The following PIK3C2B variants were observed in gnomAD, a reference collection of about 807,000 sequenced individuals.
PIK3C2B encodes phosphatidylinositol 4-phosphate 3-kinase C2 domain-containing subunit beta.
In PIK3C2B, 83 loss-of-function variants were observed where a neutral mutation model predicts 184.3. The ratio of observed to expected loss-of-function variants is 0.45; its 90% CI spans 0.38 to 0.54. The LOEUF (loss-of-function observed/expected upper bound fraction) is 0.54. Among genes scored for constraint, PIK3C2B ranks in the 20% least tolerant of loss-of-function variants. The probability of loss-of-function intolerance (pLI) is 0.00; values close to 1 mark genes in which losing one functional copy is unlikely to be tolerated. For synonymous variants in PIK3C2B, 779 were observed against 837.6 expected (o/e 0.93, Z 1.21); for missense variants, 1,736 against 2,113.5 (o/e 0.82, Z 3.50).
rs1371159714 is a variant in PIK3C2B at position 204,461,973 on chromosome 1, C to T, written c.1311-1312G>A. ...GGAACCCCCGGAGCGTCCTTTCCAC[C>T]CCCATCCCAGGCAGTTGTCATGTGT... On this transcript the variant is annotated intron_variant, in intron 5 of 32. Transcript: ENST00000684373. Among the ~76,000 whole-genome samples the T allele has an allele frequency of 1.3e-5, 2 of 151,992 alleles. 1 individual carries two copies. Among genetic ancestry groups the T allele is most frequent in the African/African-American group, 4.8e-5 (2 of 41,426 alleles).
chr1:204,457,481 C>A (rs895657137), intron 9 of PIK3C2B, among the ~76,000 whole-genome samples: 1 of 152,238 alleles, frequency 6.6e-6, no homozygotes, highest in Non-Finnish European at 1.5e-5. Context: ...GTGAATAAAG[C>A]CTTTACTGGC....
At chr1:204,456,924 A>ACACACCCCCC (rs377111253) in intron 10 of PIK3C2B, 113 bp downstream of exon 10, 2 of 521,546 alleles carry the variant, frequency 3.8e-6, no homozygotes, top group African/African-American at 4.0e-5. Context: ...ACACACACAC[A>ACACACCCCCC]CCAGCCGAAC....
At chr1:204,461,016 C>A (rs1452215129) in intron 5 of PIK3C2B, among the ~76,000 whole-genome samples, 3 of 152,142 alleles carry the variant, frequency 2.0e-5, no homozygotes, top group African/African-American at 4.8e-5. Flanking sequence ...GAAGCCCTAT[C>A]TTCTGGGCCT....
At chr1:204,427,888 G>T in intron 30 of PIK3C2B, 134 bp from the exon 31 acceptor site, 1 of 683,916 alleles carries the variant, frequency 1.5e-6, no homozygotes, top group Non-Finnish European at 2.6e-6. Flanking sequence ...AGTGTAGTCT[G>T]AATGTGATTA....
rs548079445 is a variant in PIK3C2B at position 204,447,669 on chromosome 1, G to T, written c.2347-91C>A. ...TCTCTCACCCCAGCATTCCGGCCTT[G>T]TCCCTCCCTCACTTTCCCTCAGGTT... On this transcript the variant is annotated intron_variant, in intron 14 of 32. Transcript: ENST00000684373. This position sits in a 1 kb window ranked among gnomAD's most constrained non-coding sequence, Gnocchi z 4.1. 7.0e-5 allele frequency: 62 copies of T among 881,628 alleles called. No individual in the cohort carries two copies. The Admixed American group carries it at 9.1e-4, about 13-fold the overall frequency. 54.6% of individuals were successfully genotyped at this position (881,628 alleles called of 1,614,324 possible). A position where few individuals can be genotyped will look rare whatever the true frequency, so the allele number is the denominator to read the frequency against.
chr1:204,490,518 G>T (rs540233737), intron 1 of PIK3C2B: 1 of 152,290 alleles, frequency 6.6e-6, no homozygotes, highest in East Asian at 1.9e-4. Flanking sequence ...TGCGGGGTAG[G>T]CGTTCAGTTC....
At chr1:204,482,896 C>G (rs1358672428) in intron 1 of PIK3C2B, among the ~76,000 whole-genome samples, 1 of 152,180 alleles carries the variant, frequency 6.6e-6, no homozygotes, top group East Asian at 1.9e-4. Context: ...TGCCAGACCA[C>G]AGGGGATCCC....
chr1:204,459,949 T>C lies in PIK3C2B; in HGVS notation c.1503-8A>G. 1 of 1,613,308 alleles carries C rather than the reference T, an allele frequency of 6.2e-7. No homozygotes were observed. The highest frequency in any genetic ancestry group is 1.3e-5 in the African/African-American group (1 of 74,930). ...AGAAGACTCAGGGCCTGCCTGGGAG[T>C]TGGGGGCAGGGAAAAACCACAGGAG... On this transcript the variant is annotated splice_polypyrimidine_tract_variant and splice_region_variant and intron_variant, in intron 7 of 32. Transcript: ENST00000684373.
chr1:204,432,519 C>T, intron 26 of PIK3C2B, 118 bp from the exon 27 acceptor site: 1 of 757,658 alleles, frequency 1.3e-6, no homozygotes, highest in South Asian at 1.6e-5. Flanking sequence ...CAGATCAAAC[C>T]ATTTTCCTGT....
chr1:204,449,990 C>A lies in PIK3C2B; in HGVS notation c.2094G>T (p.Arg698=). 1 of 1,585,924 alleles carries A rather than the reference C, an allele frequency of 6.3e-7. No homozygotes were observed. Among genetic ancestry groups the A allele is most frequent in the Non-Finnish European group, 8.6e-7 (1 of 1,165,462 alleles). The change falls in exon 13 of 33, where the codon CGG becomes CGT. Residue 698 remains arginine (R), a synonymous_variant. Coordinates refer to ENST00000684373, the MANE Select transcript of PIK3C2B (RefSeq NM_001377334.1). ...QQICFPVQVN[R]LPRETLLCAT... is the part of the protein sequence containing the mutation. ...CACACAGCAGTGTCTCCCGAGGCAG[C>A]CGGTTCACCTGCACTGGGAAGCAGA...
intron 28 of PIK3C2B, 199 bp downstream of exon 28, chr1:204,431,470 G>A (rs1255711187): frequency 9.6e-6 from 6 of 625,452 alleles, no homozygotes; most frequent in East Asian, 8.3e-5. Context: ...TGGGCCTGGA[G>A]TGAGAGCTCT....
rs1346776671 is a variant in PIK3C2B at position 204,447,397 on chromosome 1, G to A, written c.2489+39C>T. On this transcript the variant is annotated intron_variant, in intron 15 of 32. Coordinates refer to ENST00000684373, the MANE Select transcript of PIK3C2B (RefSeq NM_001377334.1). This position sits in a 1 kb window ranked among gnomAD's most constrained non-coding sequence, Gnocchi z 4.1. The stretch of plus-strand genomic sequence containing the variant: ...ACGGAGACTCAGTGCTGGGAGGTCA[G>A]ATGAAACATGACAGATTCAGTGGGG... The A allele has an allele frequency of 6.3e-7, 1 of 1,593,264 alleles. No individual in the cohort carries two copies. Among genetic ancestry groups the A allele is most frequent in the Middle Eastern group, 1.7e-4 (1 of 5,786 alleles).
rs1346584173 is a variant in PIK3C2B at position 204,424,724 on chromosome 1, A to C, written c.*128T>G. 1.1e-6 allele frequency: 1 copy of C among 891,734 alleles called. No individual in the cohort carries two copies. The highest frequency in any genetic ancestry group is 1.6e-5 in the African/African-American group (1 of 61,408). 55.2% of individuals were successfully genotyped at this position (891,734 alleles called of 1,614,324 possible). A position where few individuals can be genotyped will look rare whatever the true frequency, so the allele number is the denominator to read the frequency against. On this transcript the variant is annotated 3_prime_UTR_variant, in exon 33 of 33. Coordinates refer to ENST00000684373, the MANE Select transcript of PIK3C2B (RefSeq NM_001377334.1). ...CCTGCCTCCTACCACAGAGGCCAGA[A>C]TCACCTGGACCGAGCTGGAGGCCTG...
Position 204,447,229 on chromosome 1 carries a change from G to A in PIK3C2B, c.2489+207C>T, listed in dbSNP as rs1033921345. The stretch of plus-strand genomic sequence containing the variant: ...ACCAAGTCCCTGGGGTGGGGACTTG[G>A]GTATTCTCAGATCTAATTTCCTGAC... On this transcript the variant is annotated intron_variant, in intron 15 of 32. Coordinates refer to ENST00000684373, the MANE Select transcript of PIK3C2B (RefSeq NM_001377334.1). This position sits in a 1 kb window ranked among gnomAD's most constrained non-coding sequence, Gnocchi z 4.1. Among the ~76,000 whole-genome samples, 1 of 152,000 alleles carries A rather than the reference G, an allele frequency of 6.6e-6. No individual in the cohort carries two copies. Among genetic ancestry groups the A allele is most frequent in the Non-Finnish European group, 1.5e-5 (1 of 68,000 alleles).
Position 204,439,017 on chromosome 1 carries a change from T to G in PIK3C2B, c.3434A>C (p.His1145Pro). ...AETLRKIQVE[H>P]GVTGSFKDRP... Reference sequence around the variant, plus strand: ...GTCCTTGAACGAGCCGGTCACCCCATGCTCCACCTGGATCTTACGCAGGGT... The same window carrying G: ...GTCCTTGAACGAGCCGGTCACCCCAGGCTCCACCTGGATCTTACGCAGGGT... Residue 1145 changes from histidine to proline, a missense_variant, in exon 23 of 33, where the codon CAT becomes CCT. This residue lies in a region of PIK3C2B where 289 missense variants were observed against 380.4 expected (regional missense o/e 0.76). Coordinates refer to ENST00000684373, the MANE Select transcript of PIK3C2B (RefSeq NM_001377334.1). 1 of 1,614,132 alleles carries G rather than the reference T, an allele frequency of 6.2e-7. No individual in the cohort carries two copies. The highest frequency in any genetic ancestry group is 8.5e-7 in the Non-Finnish European group (1 of 1,180,012).
rs934371539 is a variant in PIK3C2B at position 204,432,389 on chromosome 1, G to A, written c.3966C>T (p.Ser1322=). 3 of 1,613,898 alleles carry A rather than the reference G, an allele frequency of 1.9e-6. No homozygotes were observed. The highest frequency in any genetic ancestry group is 2.7e-5 in the African/African-American group (2 of 74,888). ...ATTYFTRLIE[S]SLGSVATKLN... ...GCTTTGTGGCTACACTGCCCAGGCT[G>A]GACTCAATCAACCTGGCAGGAGGAT... Residue 1322 remains serine (S), a synonymous_variant, in exon 27 of 33, where the codon TCC becomes TCT. Transcript: ENST00000684373.
At chr1:204,479,008 G>A (rs1219437625) in intron 1 of PIK3C2B, among the ~76,000 whole-genome samples, 1 of 152,150 alleles carries the variant, frequency 6.6e-6, no homozygotes, top group Non-Finnish European at 1.5e-5. Flanking sequence ...TGTAGACTGT[G>A]GGCTCTGTGT....
intron 1 of PIK3C2B, among the ~76,000 whole-genome samples, chr1:204,476,565 A>G (rs1341266680): frequency 2.6e-5 from 4 of 152,204 alleles, no homozygotes; most frequent in Non-Finnish European, 4.4e-5. Context: ...TTAAATTAAA[A>G]TTTAAATTAA....
At chr1:204,439,154 C>T in intron 22 of PIK3C2B, 83 bp from the exon 23 acceptor site, 1 of 1,399,326 alleles carries the variant, frequency 7.1e-7, no homozygotes, top group Non-Finnish European at 9.8e-7. Flanking sequence ...TGTGCTCATG[C>T]TTCCCTATAA....
Sources: allele counts gnomAD v4.1 joint callset (sites outside exome capture counted in the v4.1 genomes callset), GRCh38; gene constraint gnomAD v4.1.1; regional missense constraint gnomAD v4.1.1; non-coding constraint Gnocchi (gnomAD v3.1); transcripts MANE v1.5; gene names NCBI Gene and HGNC (gene_info 2026-07-23, HGNC 2026-07-21).